Variants in KHDRBS2 observed in about 807,000 individuals in gnomAD.
The protein encoded by KHDRBS2 is KH RNA binding domain containing, signal transduction associated 2, also known as KH domain-containing, RNA-binding, signal transduction-associated protein 2.
A neutral mutation model predicts 44.3 loss-of-function variants in KHDRBS2; 26 were observed. The ratio of observed to expected loss-of-function variants is 0.59; its 90% CI spans 0.43 to 0.81. KHDRBS2 has a LOEUF of 0.81. Among genes scored for constraint, KHDRBS2 ranks in the 40% least tolerant of loss-of-function variants. The pLI, the probability that KHDRBS2 is intolerant of heterozygous loss-of-function variation, is 0.00. For synonymous variants in KHDRBS2, 194 were observed against 151.1 expected, an observed-to-expected ratio of 1.28 and a Z score of -2.08; for missense variants, 476 against 433.1, an observed-to-expected ratio of 1.10 and a Z score of -0.88.
chr6:61,795,210 A>T (rs1785164074), intron 6 of KHDRBS2, among the ~76,000 whole-genome samples: 1 of 151,498 alleles, frequency 6.6e-6, no homozygotes, highest in South Asian at 2.1e-4. Context: ...CTTTCTAATT[A>T]TACACATAGG....
chr6:61,970,873 A>T (rs573210317), intron 4 of KHDRBS2, among the ~76,000 whole-genome samples: 2 of 152,082 alleles, frequency 1.3e-5, no homozygotes, highest in African/African-American at 4.8e-5. Flanking sequence ...TCCCACTGCT[A>T]CTCCCCAAGC....
chr6:62,074,980 T>C (rs1213480699), intron 2 of KHDRBS2, among the ~76,000 whole-genome samples: 1 of 150,974 alleles, frequency 6.6e-6, no homozygotes, highest in African/African-American at 2.4e-5. Flanking sequence ...ATGATTTTGA[T>C]TAGTTATTCT....
chr6:61,914,275 A>G (rs1165832244), intron 4 of KHDRBS2, among the ~76,000 whole-genome samples: 2 of 152,078 alleles, frequency 1.3e-5, no homozygotes, highest in Admixed American at 6.6e-5. Flanking sequence ...TGTCTTCCAA[A>G]TTTTTGGTTT....
chr6:61,767,284 T>TA (rs1780155948), intron 6 of KHDRBS2, among the ~76,000 whole-genome samples: 4 of 152,048 alleles, frequency 2.6e-5, no homozygotes, highest in Non-Finnish European at 5.9e-5. Flanking sequence ...ACTCCTCCTC[T>TA]TTTTTGGATT....
In KHDRBS2 at chr6:61,891,135, T is replaced by A. The variant is rs990910625; in HGVS notation, c.810+3500A>T. 1.1e-4 allele frequency among the ~76,000 whole-genome samples: 17 copies of A among 152,142 alleles called. 1 individual carries two copies. Among genetic ancestry groups the A allele is most frequent in the Admixed American group, 4.6e-4 (7 of 15,284 alleles). On this transcript the variant is annotated intron_variant, in intron 6 of 8. Coordinates refer to ENST00000281156, the MANE Select transcript of KHDRBS2 (RefSeq NM_152688.4). ...ACATTTAAATGAGCAATAATTTACA[T>A]AAGACATTGAAGAGGACAGCATGTT... is the stretch of plus-strand genomic sequence containing the variant.
chr6:61,916,160 T>C (rs1806955806), intron 4 of KHDRBS2, among the ~76,000 whole-genome samples: 1 of 152,046 alleles, frequency 6.6e-6, no homozygotes, highest in Non-Finnish European at 1.5e-5. Flanking sequence ...GTTTGAGAGA[T>C]TTTCATATGG....
intron 4 of KHDRBS2, among the ~76,000 whole-genome samples, chr6:61,909,002 G>T (rs1488942725): frequency 1.3e-5 from 2 of 151,848 alleles, no homozygotes; most frequent in Non-Finnish European, 2.9e-5. Context: ...AGACAGAAAA[G>T]ACTAAAATTA....
intron 4 of KHDRBS2, among the ~76,000 whole-genome samples, chr6:61,940,556 T>G (rs1811946591): frequency 6.6e-6 from 1 of 152,080 alleles, no homozygotes; most frequent in Non-Finnish European, 1.5e-5. Context: ...CCTCTCAAAG[T>G]GCTTAAATTA....
At chr6:62,186,426 C>A (rs1460783350) in intron 1 of KHDRBS2, among the ~76,000 whole-genome samples, 1 of 151,966 alleles carries the variant, frequency 6.6e-6, no homozygotes, top group Non-Finnish European at 1.5e-5. Context: ...TCATTAAAAC[C>A]AAACATCGTG....
At chr6:62,100,352 T>C (rs191500565) in intron 2 of KHDRBS2, among the ~76,000 whole-genome samples, 1 of 152,334 alleles carries the variant, frequency 6.6e-6, no homozygotes, top group East Asian at 1.9e-4. Context: ...GTGAACATTG[T>C]TGAAATGACA....
intron 2 of KHDRBS2, among the ~76,000 whole-genome samples, chr6:62,072,088 A>G (rs1423611607): frequency 1.3e-5 from 2 of 152,024 alleles, no homozygotes; most frequent in East Asian, 1.9e-4. Flanking sequence ...TAGGTATTTT[A>G]TTCTCTTTGA....
the KHDRBS2 span, among the ~76,000 whole-genome samples, chr6:61,653,783 A>G: frequency 6.6e-6 from 1 of 152,096 alleles, no homozygotes; most frequent in Non-Finnish European, 1.5e-5. Context: ...ATAGCAAAAG[A>G]AAGTAAAATA....
At chr6:61,913,353 G>T (rs1427902047) in intron 4 of KHDRBS2, among the ~76,000 whole-genome samples, 1 of 151,916 alleles carries the variant, frequency 6.6e-6, no homozygotes, top group East Asian at 1.9e-4. Flanking sequence ...TGGAGTACTG[G>T]AACAAGCTCA....
intron 8 of KHDRBS2, among the ~76,000 whole-genome samples, chr6:61,691,252 C>A (rs1767363578): frequency 6.6e-6 from 1 of 152,042 alleles, no homozygotes; most frequent in African/African-American, 2.4e-5. Flanking sequence ...ATAAGCAATA[C>A]AAGCATTGAT....
intron 6 of KHDRBS2, among the ~76,000 whole-genome samples, chr6:61,749,924 G>T (rs1252824812): frequency 1.3e-5 from 2 of 152,130 alleles, no homozygotes; most frequent in Admixed American, 6.5e-5. Flanking sequence ...GAAGAATCTT[G>T]TGTTGTCAGT....
chr6:62,076,325 T>A (rs950995472), intron 2 of KHDRBS2, among the ~76,000 whole-genome samples: 1 of 152,024 alleles, frequency 6.6e-6, no homozygotes, highest in African/African-American at 2.4e-5. Flanking sequence ...TATGATTTCA[T>A]ATGTTGACAT....
intron 2 of KHDRBS2, among the ~76,000 whole-genome samples, chr6:62,163,649 C>A (rs1818100827): frequency 5.3e-5 from 8 of 152,014 alleles, no homozygotes; most frequent in Admixed American, 5.3e-4. Flanking sequence ...AATGCCTCCT[C>A]AGATAAAAGA....
At chr6:61,693,841 A>C (rs1767627078) in intron 8 of KHDRBS2, among the ~76,000 whole-genome samples, 1 of 152,168 alleles carries the variant, frequency 6.6e-6, no homozygotes, top group Non-Finnish European at 1.5e-5. Flanking sequence ...TCGGGATTAT[A>C]GAGGTGAGCC....
intron 1 of KHDRBS2, among the ~76,000 whole-genome samples, chr6:62,238,704 AC>A (rs1834106945): frequency 6.6e-6 from 1 of 151,930 alleles, no homozygotes; most frequent in Admixed American, 6.6e-5. Flanking sequence ...ACACACACAC[AC>A]ACACACACAC....
Sources: gnomAD v4.1 joint callset for allele counts (sites outside exome capture counted in the v4.1 genomes callset) on GRCh38, gnomAD v4.1.1 for gene constraint, MANE v1.5 for transcripts, NCBI Gene and HGNC (gene_info 2026-07-23, HGNC 2026-07-21) for gene names.